FHIT: variants seen among roughly 807,000 people sequenced by gnomAD.
The protein encoded by FHIT is bis(5'-adenosyl)-triphosphatase.
FHIT carries 19 observed loss-of-function variants against 17.9 expected under a neutral mutation model. The observed-to-expected ratio is 1.06, with a 90% confidence interval of 0.74 to 1.56. The LOEUF (loss-of-function observed/expected upper bound fraction) is 1.56. FHIT is among the 40% of genes most tolerant of loss of function. The pLI, the probability that FHIT is intolerant of heterozygous loss-of-function variation, is 0.00. For synonymous variants in FHIT, 81 were observed against 69.7 expected (o/e 1.16, Z -0.81); for missense variants, 248 against 189.2 (o/e 1.31, Z -1.82).
chr3:61,034,240 C>G (rs1056790795), intron 3 of FHIT, among the ~76,000 whole-genome samples: 2 of 151,776 alleles, frequency 1.3e-5, no homozygotes, highest in Non-Finnish European at 2.9e-5. Flanking sequence ...AAAGCACAAG[C>G]AACAAAAGAA....
At chr3:59,839,199 T>C (rs1701443077) in intron 8 of FHIT, among the ~76,000 whole-genome samples, 1 of 151,202 alleles carries the variant, frequency 6.6e-6, no homozygotes, top group Admixed American at 6.6e-5. Flanking sequence ...ATGCCTGTAA[T>C]CCCACCTACT....
chr3:59,962,986 T>G (rs1436593399), intron 7 of FHIT, among the ~76,000 whole-genome samples: 2 of 152,202 alleles, frequency 1.3e-5, no homozygotes, highest in Admixed American at 1.3e-4. Context: ...CCAGGTGCAG[T>G]GGCCCATGCC....
intron 5 of FHIT, among the ~76,000 whole-genome samples, chr3:60,510,080 T>A (rs1275085236): frequency 6.6e-6 from 1 of 152,066 alleles, no homozygotes; most frequent in Non-Finnish European, 1.5e-5. Flanking sequence ...CTCTGGAAAA[T>A]GAATAAAATG....
intron 5 of FHIT, among the ~76,000 whole-genome samples, chr3:60,208,961 A>G (rs1321974203): frequency 1.3e-5 from 2 of 152,174 alleles, no homozygotes; most frequent in Non-Finnish European, 2.9e-5. Flanking sequence ...GACAGAGAAC[A>G]CACTGGTTTT....
intron 8 of FHIT, among the ~76,000 whole-genome samples, chr3:59,774,210 A>G (rs1057357707): frequency 8.5e-5 from 13 of 152,170 alleles, no homozygotes; most frequent in African/African-American, 3.1e-4. Context: ...AGGGGCTTTT[A>G]TTGGAACACA....
At chr3:60,661,145 GCACC>G (rs2040238047) in intron 4 of FHIT, among the ~76,000 whole-genome samples, 1 of 151,958 alleles carries the variant, frequency 6.6e-6, no homozygotes, top group Non-Finnish European at 1.5e-5. Flanking sequence ...AGATTTTGGT[GCACC>G]CAATACCCAA....
At chr3:60,505,770 T>C (rs6783802) in intron 5 of FHIT, among the ~76,000 whole-genome samples, 68,405 of 152,090 alleles carry the variant, frequency 0.45, 15,685 homozygotes, top group African/African-American at 0.51. Flanking sequence ...CTCTTAGATT[T>C]CTGCTATCCC....
At chr3:61,146,596 T>C (rs2037233262) in intron 2 of FHIT, among the ~76,000 whole-genome samples, 1 of 152,068 alleles carries the variant, frequency 6.6e-6, no homozygotes, top group Non-Finnish European at 1.5e-5. Context: ...AGAATCTGCT[T>C]GGTCATACAA....
Position 60,695,980 on chromosome 3 carries a change from G to A in FHIT, c.-18+125939C>T, listed in dbSNP as rs140783002. Among the ~76,000 whole-genome samples, 168 of 152,254 alleles carry A rather than the reference G, an allele frequency of 1.1e-3. 1 individual carries two copies. The highest frequency in any genetic ancestry group is 3.9e-3 in the African/African-American group (162 of 41,556). On this transcript the variant is annotated intron_variant, in intron 4 of 9. Coordinates refer to ENST00000492590, the MANE Select transcript of FHIT (RefSeq NM_002012.4). ...TTATGGAAAACCAAGGGCTTTGTAC[G>A]GAGGAATGGAGATAAGGAGAGTGTG... is the stretch of plus-strand genomic sequence containing the variant.
At chr3:60,358,741 A>C (rs1304750925) in intron 5 of FHIT, among the ~76,000 whole-genome samples, 1 of 152,174 alleles carries the variant, frequency 6.6e-6, no homozygotes, top group Non-Finnish European at 1.5e-5. Flanking sequence ...CACATCAATC[A>C]AAAGTCTTGG....
chr3:60,966,929 T>C (rs1709772528), intron 3 of FHIT, among the ~76,000 whole-genome samples: 2 of 152,282 alleles, frequency 1.3e-5, no homozygotes, highest in Admixed American at 6.5e-5. Flanking sequence ...CTTTTATAGT[T>C]AGAGAGAATT....
At chr3:60,711,100 C>T (rs1286144923) in intron 4 of FHIT, among the ~76,000 whole-genome samples, 1 of 152,168 alleles carries the variant, frequency 6.6e-6, no homozygotes, top group Non-Finnish European at 1.5e-5. Context: ...TATCAGACAG[C>T]AGCATTCACA....
chr3:59,948,246 T>G (rs541402260), intron 7 of FHIT, among the ~76,000 whole-genome samples: 1 of 151,486 alleles, frequency 6.6e-6, no homozygotes, highest in African/African-American at 2.4e-5. Flanking sequence ...AGATCACACA[T>G]GTAATCCCAG....
At chr3:60,070,404 G>A (rs1387103639) in intron 5 of FHIT, among the ~76,000 whole-genome samples, 2 of 152,154 alleles carry the variant, frequency 1.3e-5, no homozygotes, top group African/African-American at 4.8e-5. Flanking sequence ...TATTTACTGA[G>A]CACCTCAGCA....
intron 3 of FHIT, among the ~76,000 whole-genome samples, chr3:60,970,544 T>G (rs1409377436): frequency 6.6e-6 from 1 of 152,148 alleles, no homozygotes; most frequent in Non-Finnish European, 1.5e-5. Context: ...AAATTCTCTT[T>G]TTGTCTTCAA....
chr3:59,979,815 G>A (rs1376871196), intron 7 of FHIT, among the ~76,000 whole-genome samples: 1 of 152,086 alleles, frequency 6.6e-6, no homozygotes, highest in Admixed American at 6.6e-5. Flanking sequence ...CTGTGAAACT[G>A]AGCGTCACCA....
chr3:60,873,382 A>G (rs1444377344), intron 3 of FHIT, among the ~76,000 whole-genome samples: 1 of 152,208 alleles, frequency 6.6e-6, no homozygotes, highest in Non-Finnish European at 1.5e-5. Flanking sequence ...GAAAATATTT[A>G]GTAGCAGTCT....
Position 60,127,503 on chromosome 3 carries a change from G to A in FHIT, c.104-113351C>T, listed in dbSNP as rs1385428988. On this transcript the variant is annotated intron_variant, in intron 5 of 9. Coordinates refer to ENST00000492590, the MANE Select transcript of FHIT (RefSeq NM_002012.4). Reference sequence around the variant, plus strand: ...CTTGTTAATAAACTCCCCATGATATGAACCTCATTCATATTCAACAAGTTT... The same window carrying A: ...CTTGTTAATAAACTCCCCATGATATAAACCTCATTCATATTCAACAAGTTT... Among the ~76,000 whole-genome samples the A allele has an allele frequency of 2.6e-5, 4 of 152,048 alleles. No homozygotes were observed. In the East Asian group the frequency reaches 7.7e-4, roughly 29 times the overall value.
intron 5 of FHIT, among the ~76,000 whole-genome samples, chr3:60,382,534 C>G (rs1342017981): frequency 6.6e-6 from 1 of 152,110 alleles, no homozygotes; most frequent in African/African-American, 2.4e-5. Context: ...ACAAGTAACA[C>G]CGATAATTTT....
Sources: allele counts gnomAD v4.1 joint callset (sites outside exome capture counted in the v4.1 genomes callset), GRCh38; gene constraint gnomAD v4.1.1; transcripts MANE v1.5; gene names NCBI Gene and HGNC (gene_info 2026-07-23, HGNC 2026-07-21).